Variants in PNO1 observed in about 807,000 individuals in gnomAD.
PNO1 encodes RNA-binding protein PNO1.
A neutral mutation model predicts 28.4 loss-of-function variants in PNO1; 16 were observed. The ratio of observed to expected loss-of-function variants is 0.56; its 90% CI spans 0.38 to 0.85. The LOEUF (loss-of-function observed/expected upper bound fraction) is 0.85. PNO1 is among the 40% of genes least tolerant of loss of function. The pLI, the probability that PNO1 is intolerant of heterozygous loss-of-function variation, is 0.00. For missense variants in PNO1, 304 were observed against 312.2 expected (o/e 0.97, Z 0.20); for synonymous variants, 115 against 110.8 (o/e 1.04, Z -0.24).
intron 5 of PNO1, among the ~76,000 whole-genome samples, chr2:68,170,069 TCTTG>T (rs966554661): frequency 1.3e-5 from 2 of 152,230 alleles, no homozygotes; most frequent in East Asian, 1.9e-4. Flanking sequence ...ATGTACTATC[TCTTG>T]CTTTTGCTGT....
intron 5 of PNO1, among the ~76,000 whole-genome samples, chr2:68,165,379 ACAAC>A (rs1284301810): frequency 0.013 from 1,802 of 134,454 alleles, 69 homozygotes; most frequent in African/African-American, 0.045. Context: ...AAAAAAAAAA[ACAAC>A]AAAAAAAAAA....
At chr2:68,158,356 A>G in intron 1 of PNO1, 24 bp from the exon 2 acceptor site, 1 of 1,599,928 alleles carries the variant, frequency 6.3e-7, no homozygotes, top group African/African-American at 1.3e-5. Context: ...TAGCCTTCTG[A>G]GTTGTGTGTT....
intron 6 of PNO1, among the ~76,000 whole-genome samples, 181 bp downstream of exon 6, chr2:68,173,598 T>C (rs555178907): frequency 8.7e-5 from 12 of 137,248 alleles, no homozygotes; most frequent in Middle Eastern, 3.6e-3. Flanking sequence ...TTTTTTTTTT[T>C]CTGAGCCAGA....
intron 5 of PNO1, among the ~76,000 whole-genome samples, chr2:68,168,206 G>A (rs1674040778): frequency 6.6e-6 from 1 of 152,228 alleles, no homozygotes; most frequent in African/African-American, 2.4e-5. Flanking sequence ...GAATATAAGA[G>A]GGGTCCTAAT....
At chr2:68,158,324 A>C in intron 1 of PNO1, 56 bp from the exon 2 acceptor site, 1 of 1,527,672 alleles carries the variant, frequency 6.5e-7, no homozygotes, top group Non-Finnish European at 8.8e-7. Flanking sequence ...ATGTCATTTT[A>C]AACTCCATCA....
chr2:68,170,367 A>T (rs533930709), intron 5 of PNO1, among the ~76,000 whole-genome samples: 2 of 152,182 alleles, frequency 1.3e-5, no homozygotes, highest in South Asian at 2.1e-4. Context: ...AACTACTCCC[A>T]TCTGTTCTTG....
chr2:68,159,964 A>ATTTTTT (rs1206527655), intron 2 of PNO1, among the ~76,000 whole-genome samples: 3 of 116,926 alleles, frequency 2.6e-5, no homozygotes, highest in East Asian at 2.4e-4. Flanking sequence ...ACAAAAAAAA[A>ATTTTTT]TTTTTTTTTT....
chr2:68,164,144 T>G (rs113778903), intron 5 of PNO1, among the ~76,000 whole-genome samples: 2,802 of 152,270 alleles, frequency 0.018, 89 homozygotes, highest in African/African-American at 0.063. Context: ...GTCAGAAATA[T>G]GGAGCCTTGG....
intron 2 of PNO1, 46 bp downstream of exon 2, chr2:68,158,575 C>G: frequency 6.5e-7 from 1 of 1,536,066 alleles, no homozygotes; most frequent in Non-Finnish European, 8.9e-7. Context: ...GCTTTCTCTC[C>G]TACAGAGATG....
rs116342772 is a variant in PNO1 at position 68,174,582 on chromosome 2, A to T, written c.692-153A>T. ...GTATATGGGAGGATGTGGGTAGTTAATGTGCATATTTTTTATGTAAGAGAC... is the reference window on the plus strand; with the variant it reads ...GTATATGGGAGGATGTGGGTAGTTATTGTGCATATTTTTTATGTAAGAGAC... On this transcript the variant is annotated intron_variant, in intron 6 of 6. Transcript: ENST00000263657. Among the ~76,000 whole-genome samples the T allele has an allele frequency of 9.7e-3, 1,471 of 152,190 alleles. 23 individuals are homozygous for T. Among genetic ancestry groups the T allele is most frequent in the African/African-American group, 0.033 (1,372 of 41,550 alleles).
intron 5 of PNO1, among the ~76,000 whole-genome samples, chr2:68,165,240 T>G (rs1673946811): frequency 6.7e-6 from 1 of 150,148 alleles, no homozygotes; most frequent in South Asian, 2.1e-4. Context: ...GGCGGGCGCC[T>G]GTAGTCCCAG....
At chr2:68,160,603 G>A (rs1250582608) in intron 2 of PNO1, among the ~76,000 whole-genome samples, 2 of 152,208 alleles carry the variant, frequency 1.3e-5, no homozygotes, top group African/African-American at 2.4e-5. Context: ...CAGACACACA[G>A]TGGTATTACA....
intron 5 of PNO1, among the ~76,000 whole-genome samples, chr2:68,167,499 TTA>T (rs764726387): frequency 7.9e-5 from 12 of 152,226 alleles, no homozygotes; most frequent in Admixed American, 5.2e-4. Flanking sequence ...GTTAGCAGCT[TTA>T]TAGATAACGG....
At chr2:68,164,947 C>T (rs1444040289) in intron 5 of PNO1, among the ~76,000 whole-genome samples, 1 of 152,118 alleles carries the variant, frequency 6.6e-6, no homozygotes, top group African/African-American at 2.4e-5. Context: ...GGATACTTCT[C>T]TTTGAAAACT....
chr2:68,165,381 A>AACT (rs1673961339), intron 5 of PNO1, among the ~76,000 whole-genome samples: 1 of 117,290 alleles, frequency 8.5e-6, no homozygotes, highest in African/African-American at 3.5e-5. Context: ...AAAAAAAAAC[A>AACT]ACAAAAAAAA....
rs1367699918 is a variant in PNO1 at position 68,175,758 on chromosome 2, A to T, written c.*956A>T. 1 of 152,246 alleles carries T rather than the reference A, an allele frequency of 6.6e-6. No homozygotes were observed. The highest frequency in any genetic ancestry group is 1.5e-5 in the Non-Finnish European group (1 of 68,050). 9.4% of individuals were successfully genotyped at this position (152,246 alleles called of 1,614,324 possible). On this transcript the variant is annotated 3_prime_UTR_variant, in exon 7 of 7. Transcript: ENST00000263657. Reference sequence around the variant, plus strand: ...GTATTTAATGAAAGTATACATAACCAATGTTGGGTATACAGATGCTTCTCA... The same window carrying T: ...GTATTTAATGAAAGTATACATAACCTATGTTGGGTATACAGATGCTTCTCA...
chr2:68,173,283 C>G, intron 5 of PNO1, 64 bp from the exon 6 acceptor site: 1 of 998,794 alleles, frequency 1.0e-6, no homozygotes, highest in Non-Finnish European at 1.6e-6. Context: ...TTCCAAAGTG[C>G]TGGGATTACA....
intron 4 of PNO1, 81 bp downstream of exon 4, chr2:68,162,406 G>A (rs1008788179): frequency 9.3e-6 from 11 of 1,182,300 alleles, no homozygotes; most frequent in Non-Finnish European, 1.2e-5. Flanking sequence ...AGCATCAATT[G>A]AGCTGTATTT....
In PNO1 at chr2:68,174,830, CT is replaced by C. The variant is rs1166612598; in HGVS notation, c.*31del. The C allele has an allele frequency of 5.5e-6, 8 of 1,444,904 alleles. No individual in the cohort carries two copies. The highest frequency in any genetic ancestry group is 7.8e-6 in the Non-Finnish European group (8 of 1,031,050). The allele number at this position is 1,444,904 out of a possible 1,614,324, so 89.5% of individuals were successfully genotyped here. A position where few individuals can be genotyped will look rare whatever the true frequency, so the allele number is the denominator to read the frequency against. ...TCAAGTCAGAGACTTTTTATCTTGC[CT>C]TTGGACTCTGGTGAAAAATACTTTA... is the stretch of plus-strand genomic sequence containing the variant. On this transcript the variant is annotated 3_prime_UTR_variant, in exon 7 of 7. Coordinates refer to ENST00000263657, the MANE Select transcript of PNO1 (RefSeq NM_020143.4).
Sources: allele counts gnomAD v4.1 joint callset (sites outside exome capture counted in the v4.1 genomes callset), GRCh38; gene constraint gnomAD v4.1.1; transcripts MANE v1.5; gene names NCBI Gene and HGNC (gene_info 2026-07-23, HGNC 2026-07-21).